The following MAP2K6 variants were observed in gnomAD, a reference collection of about 807,000 sequenced individuals.
MAP2K6 encodes the protein dual specificity mitogen-activated protein kinase kinase 6.
MAP2K6 carries 16 observed loss-of-function variants against 53.7 expected under a neutral mutation model. The ratio of observed to expected loss-of-function variants is 0.30; its 90% CI spans 0.20 to 0.45. MAP2K6 has a LOEUF of 0.45. MAP2K6 is among the 20% of genes least tolerant of loss of function. The probability of loss-of-function intolerance (pLI) is 1.00; values close to 1 mark genes in which losing one functional copy is unlikely to be tolerated. For synonymous variants in MAP2K6, 132 were observed against 143.1 expected (o/e 0.92, Z 0.55); for missense variants, 204 against 411.9 (o/e 0.50, Z 4.37).
chr17:69,490,080 C>T (rs2716223), intron 1 of MAP2K6, among the ~76,000 whole-genome samples: 79,994 of 152,090 alleles, frequency 0.53, 22,357 homozygotes, highest in Middle Eastern at 0.65. Flanking sequence ...ATTTTGGCCG[C>T]GGTTTCTTTA....
chr17:69,449,443 G>A (rs1907093568), intron 1 of MAP2K6, among the ~76,000 whole-genome samples: 1 of 151,606 alleles, frequency 6.6e-6, no homozygotes. Context: ...TGAGTTAAAA[G>A]CAGGGATGAT....
chr17:69,440,990 A>ATGTG (rs536825559), intron 1 of MAP2K6, among the ~76,000 whole-genome samples: 3 of 151,282 alleles, frequency 2.0e-5, no homozygotes, highest in Non-Finnish European at 3.0e-5. Flanking sequence ...GTGTGTATAT[A>ATGTG]TGTGTGTGTG....
chr17:69,441,827 T>TG (rs1192763077), intron 1 of MAP2K6, among the ~76,000 whole-genome samples: 5 of 152,156 alleles, frequency 3.3e-5, no homozygotes, highest in African/African-American at 1.2e-4. Flanking sequence ...ATCTAGATTC[T>TG]CCACGGGGCC....
chr17:69,455,579 A>G (rs1907378050), intron 1 of MAP2K6, among the ~76,000 whole-genome samples: 1 of 152,042 alleles, frequency 6.6e-6, no homozygotes, highest in South Asian at 2.1e-4. Context: ...TTCATTCTCA[A>G]ACCTGTCCTG....
chr17:69,471,333 A>G (rs754760277), intron 1 of MAP2K6, among the ~76,000 whole-genome samples: 2 of 152,312 alleles, frequency 1.3e-5, no homozygotes, highest in Middle Eastern at 3.4e-3. Context: ...ATGGAATACT[A>G]TACAGCCACA....
Position 69,541,733 on chromosome 17 carries a change from A to G in MAP2K6, c.985A>G (p.Lys329Glu). 3 of 1,612,714 alleles carry G rather than the reference A, an allele frequency of 1.9e-6. No homozygotes were observed. Among genetic ancestry groups the G allele is most frequent in the Non-Finnish European group, 2.5e-6 (3 of 1,179,032 alleles). The change falls in exon 12 of 12, where the codon AAA becomes GAA. Residue 329 changes from lysine to glutamate, a missense_variant. This residue lies in a region of MAP2K6 where 47 missense variants were observed against 62.3 expected (regional missense o/e 0.75). Coordinates refer to ENST00000590474, the MANE Select transcript of MAP2K6 (RefSeq NM_002758.4). ...SKGTDVASFV[K>E]LILGD ...AGGAACAGATGTGGCATCTTTTGTA[A>G]AACTGATTCTTGGAGACTAAAAAGC... is the stretch of plus-strand genomic sequence containing the variant.
At chr17:69,449,561 ATTTCTTTC>A (rs1230834033) in intron 1 of MAP2K6, among the ~76,000 whole-genome samples, 5,892 of 101,738 alleles carry the variant, frequency 0.058, 206 homozygotes, top group Non-Finnish European at 0.081. Flanking sequence ...TTCTTTCTTT[ATTTCTTTC>A]TTTCTTTCTT....
At chr17:69,427,868 G>T (rs757186723) in intron 1 of MAP2K6, among the ~76,000 whole-genome samples, 1 of 152,170 alleles carries the variant, frequency 6.6e-6, no homozygotes, top group Non-Finnish European at 1.5e-5. Flanking sequence ...TTCTGAAATT[G>T]GTTTAAGAAT....
chr17:69,491,478 T>C (rs1908751585), intron 1 of MAP2K6, among the ~76,000 whole-genome samples: 1 of 152,088 alleles, frequency 6.6e-6, no homozygotes, highest in Non-Finnish European at 1.5e-5. Flanking sequence ...TTGATGGGCA[T>C]TTGGATTGAT....
chr17:69,490,525 G>A (rs1478254694), intron 1 of MAP2K6, among the ~76,000 whole-genome samples: 1 of 152,178 alleles, frequency 6.6e-6, no homozygotes, highest in African/African-American at 2.4e-5. Flanking sequence ...GGAAAAGCAA[G>A]AAATACATTT....
At chr17:69,516,832 C>T in intron 2 of MAP2K6, 23 bp from the exon 3 acceptor site, 3 of 1,557,640 alleles carry the variant, frequency 1.9e-6, no homozygotes, top group Non-Finnish European at 2.6e-6. Flanking sequence ...TATGTTTCTT[C>T]TTTTCCCCCT....
At chr17:69,517,113 T>G (rs1246671620) in intron 3 of MAP2K6, among the ~76,000 whole-genome samples, 1 of 151,694 alleles carries the variant, frequency 6.6e-6, no homozygotes, top group Non-Finnish European at 1.5e-5. Context: ...GGTATTTGAA[T>G]AGAGTAGATG....
At chr17:69,419,873 C>T (rs1906021780) in intron 1 of MAP2K6, among the ~76,000 whole-genome samples, 1 of 149,528 alleles carries the variant, frequency 6.7e-6, no homozygotes, top group East Asian at 2.0e-4. Flanking sequence ...GAGATTGTGC[C>T]ACTGCACTGT....
chr17:69,414,871 A>C lies in MAP2K6; in HGVS notation c.-114A>C. The C allele has an allele frequency of 1.1e-6, 1 of 910,290 alleles. No homozygotes were observed. Among genetic ancestry groups the C allele is most frequent in the Non-Finnish European group, 1.8e-6 (1 of 564,172 alleles). The allele number at this position is 910,290 out of a possible 1,614,324, so 56.4% of individuals were successfully genotyped here. A position where few individuals can be genotyped will look rare whatever the true frequency, so the allele number is the denominator to read the frequency against. ...TGCTGCATCGGTCAAGAGAAACTCC[A>C]CTTGCATGAAGATTGCACGCCTGCA... On this transcript the variant is annotated 5_prime_UTR_variant, in exon 1 of 12. Transcript: ENST00000590474.
intron 1 of MAP2K6, among the ~76,000 whole-genome samples, chr17:69,493,221 T>C (rs1308253917): frequency 6.6e-6 from 1 of 152,172 alleles, no homozygotes; most frequent in Non-Finnish European, 1.5e-5. Context: ...AGAATGTTTT[T>C]ACCTTATGAA....
intron 1 of MAP2K6, among the ~76,000 whole-genome samples, chr17:69,455,035 AT>A (rs34777682): frequency 0.68 from 88,681 of 130,118 alleles, 26,423 homozygotes; most frequent in African/African-American, 0.71. Flanking sequence ...TACTATTATT[AT>A]TTTTTTTTTT....
intron 1 of MAP2K6, chr17:69,485,547 T>C: frequency 1.4e-6 from 1 of 733,642 alleles, no homozygotes; most frequent in East Asian, 1.3e-4. Context: ...GTTCCTAATG[T>C]TTCTTGGCTT....
chr17:69,453,546 G>T (rs893811526), intron 1 of MAP2K6, among the ~76,000 whole-genome samples: 2 of 152,082 alleles, frequency 1.3e-5, no homozygotes, highest in East Asian at 3.9e-4. Flanking sequence ...CTTTATTTTG[G>T]CCTCTTTCTC....
At chr17:69,455,981 C>T (rs1382446099) in intron 1 of MAP2K6, among the ~76,000 whole-genome samples, 1 of 151,908 alleles carries the variant, frequency 6.6e-6, no homozygotes, top group South Asian at 2.1e-4. Flanking sequence ...CTGCCTCAGC[C>T]TCTCGAGTAG....
Sources: gnomAD v4.1 joint callset for allele counts (sites outside exome capture counted in the v4.1 genomes callset) on GRCh38, gnomAD v4.1.1 for gene constraint, gnomAD v4.1.1 regional missense constraint, MANE v1.5 for transcripts, NCBI Gene and HGNC (gene_info 2026-07-23, HGNC 2026-07-21) for gene names.